Variants in DOCK9 observed in about 807,000 individuals in gnomAD.
DOCK9 encodes dedicator of cytokinesis protein 9.
DOCK9 carries 89 observed loss-of-function variants against 263.3 expected under a neutral mutation model. The ratio of observed to expected loss-of-function variants is 0.34; its 90% CI spans 0.28 to 0.40. The LOEUF is 0.40. Ranked by LOEUF, DOCK9 falls within the 10% of genes least tolerant of loss-of-function variation. The pLI is 1.00. For missense variants in DOCK9, 2,140 were observed against 2,603.4 expected, an observed-to-expected ratio of 0.82 and a Z score of 3.87; for synonymous variants, 976 against 973.1, an observed-to-expected ratio of 1.00 and a Z score of -0.06.
chr13:98,930,159 G>A lies in DOCK9; in HGVS notation c.333+9C>T. The stretch of plus-strand genomic sequence containing the variant: ...TCAAAATGTAAATTAATGCAGGAAA[G>A]AGCCTTACCTCTGTAACAAACAAGC... On this transcript the variant is annotated intron_variant, in intron 3 of 52. Transcript: ENST00000682017. The A allele has an allele frequency of 6.2e-7, 1 of 1,604,536 alleles. No homozygotes were observed. The highest frequency in any genetic ancestry group is 8.5e-7 in the Non-Finnish European group (1 of 1,175,218).
At chr13:98,891,042 T>C (rs1279212158) in intron 15 of DOCK9, among the ~76,000 whole-genome samples, 1 of 152,128 alleles carries the variant, frequency 6.6e-6, no homozygotes, top group African/African-American at 2.4e-5. Context: ...AGCACTCCCC[T>C]ACAGTTTGCC....
chr13:98,949,556 A>G (rs1335672328), intron 2 of DOCK9, among the ~76,000 whole-genome samples: 1 of 152,168 alleles, frequency 6.6e-6, no homozygotes, highest in Admixed American at 6.5e-5. Context: ...CTGTGATGAG[A>G]GGTGTCTGCC....
chr13:99,062,851 G>C (rs745476908), intron 1 of DOCK9, among the ~76,000 whole-genome samples: 22 of 152,308 alleles, frequency 1.4e-4, no homozygotes, highest in Non-Finnish European at 2.4e-4. Flanking sequence ...CGCCAGTTCA[G>C]TGGTTTAATA....
chr13:98,862,212 C>T (rs1182963100), intron 32 of DOCK9, among the ~76,000 whole-genome samples: 1 of 152,166 alleles, frequency 6.6e-6, no homozygotes, highest in African/African-American at 2.4e-5. Flanking sequence ...AGGAGTTGCA[C>T]TGGCAAAATA....
At chr13:98,972,453 G>A (rs1485286941) in intron 1 of DOCK9, among the ~76,000 whole-genome samples, 1 of 152,166 alleles carries the variant, frequency 6.6e-6, no homozygotes, top group East Asian at 1.9e-4. Flanking sequence ...GGAGGTAGCA[G>A]TGACTTGGCA....
At position 98,850,057 on chromosome 13, in the gene DOCK9, TA is replaced by T; in HGVS notation, c.4002del (p.Phe1334LeufsTer19). On this transcript the variant is annotated frameshift_variant, in exon 36 of 53. Transcript: ENST00000682017. LOFTEE classifies it high-confidence loss of function. The stretch of plus-strand genomic sequence containing the variant: ...GAGAAAGCTACTTACTCAGATATTG[TA>T]AAAAAATCCATAAGTTCAGATGTTG... Reference protein sequence around the residue: ...KASTSELMDFFTISEVCLHQF... With the variant: ...KASTSELMDFXTISEVCLHQF... 5 of 1,565,476 alleles carry T rather than the reference TA, an allele frequency of 3.2e-6. No individual in the cohort carries two copies. In the Admixed American group the frequency reaches 5.9e-5, roughly 19 times the overall value.
At chr13:98,975,965 T>C (rs564228007) in intron 1 of DOCK9, among the ~76,000 whole-genome samples, 1 of 152,246 alleles carries the variant, frequency 6.6e-6, no homozygotes, top group Non-Finnish European at 1.5e-5. Context: ...CAGCAGTCTG[T>C]TGAACTCTTG....
chr13:98,922,539 A>T (rs188872518), intron 5 of DOCK9, among the ~76,000 whole-genome samples: 155 of 152,330 alleles, frequency 1.0e-3, no homozygotes, highest in Non-Finnish European at 1.9e-3. Context: ...GCACATGCAC[A>T]TTCCTGGAAA....
intron 15 of DOCK9, among the ~76,000 whole-genome samples, chr13:98,892,974 AGACT>A (rs1486040055): frequency 3.3e-5 from 5 of 152,226 alleles, no homozygotes; most frequent in Non-Finnish European, 5.9e-5. Context: ...AGTGAGCCAC[AGACT>A]GGGCTTTGAA....
At chr13:99,038,154 C>A (rs1888082948) in intron 1 of DOCK9, among the ~76,000 whole-genome samples, 1 of 152,098 alleles carries the variant, frequency 6.6e-6, no homozygotes, top group Admixed American at 6.5e-5. Context: ...TATTTTCACA[C>A]AACAGCCTCT....
exon 1 of DOCK9, chr13:99,086,455 C>CCCG (rs2042346005): frequency 1.3e-6 from 1 of 757,616 alleles, no homozygotes; most frequent in Non-Finnish European, 1.6e-6. Context: ...GCCCGCCGCT[C>CCCG]CCGGCGCCGC....
chr13:99,021,270 T>C (rs556711156), intron 1 of DOCK9, among the ~76,000 whole-genome samples: 2 of 152,326 alleles, frequency 1.3e-5, no homozygotes, highest in Admixed American at 6.5e-5. Context: ...AAGCATCTCA[T>C]ACAAAATTCA....
chr13:98,918,492 T>C (rs1044973769), intron 7 of DOCK9, among the ~76,000 whole-genome samples: 7 of 151,906 alleles, frequency 4.6e-5, no homozygotes, highest in Non-Finnish European at 1.0e-4. Flanking sequence ...TACCAAAGCA[T>C]AAAATAAAAA....
Position 98,846,100 on chromosome 13 carries a change from C to T in DOCK9, c.4062-40G>A, listed in dbSNP as rs577941073. On this transcript the variant is annotated intron_variant, in intron 37 of 52. Coordinates refer to ENST00000682017, the MANE Select transcript of DOCK9 (RefSeq NM_001366683.2). ...AAATGGGATAGAAGCAAAAGTTAGACGTGTTACACTGCAGCGAGACGGGGA... is the reference window on the plus strand; with the variant it reads ...AAATGGGATAGAAGCAAAAGTTAGATGTGTTACACTGCAGCGAGACGGGGA... The T allele has an allele frequency of 5.9e-5, 92 of 1,548,982 alleles. No individual in the cohort carries two copies. The African/African-American group carries it at 7.8e-4, about 13-fold the overall frequency.
At chr13:99,066,242 T>C (rs945182865) in intron 1 of DOCK9, among the ~76,000 whole-genome samples, 9 of 152,240 alleles carry the variant, frequency 5.9e-5, no homozygotes. Context: ...CAGCAGAATG[T>C]CACCTTGTTT....
chr13:98,814,892 C>G (rs57685573), intron 45 of DOCK9, among the ~76,000 whole-genome samples: 9 of 151,346 alleles, frequency 5.9e-5, no homozygotes, highest in Admixed American at 6.6e-5. Flanking sequence ...GAACTGAAAT[C>G]GCACCACTGC....
intron 35 of DOCK9, among the ~76,000 whole-genome samples, chr13:98,850,463 T>C (rs747655757): frequency 1.3e-5 from 2 of 152,266 alleles, no homozygotes; most frequent in Non-Finnish European, 2.9e-5. Context: ...CGGGCTCTCT[T>C]GTCTCCTACT....
At chr13:98,866,154 C>A (rs2094015053) in intron 30 of DOCK9, among the ~76,000 whole-genome samples, 1 of 152,212 alleles carries the variant, frequency 6.6e-6, no homozygotes, top group Non-Finnish European at 1.5e-5. Flanking sequence ...TATCCCCTTT[C>A]CTTGCTTTGT....
At chr13:98,921,995 GCT>G in intron 6 of DOCK9, 54 bp downstream of exon 6, 1 of 1,379,852 alleles carries the variant, frequency 7.2e-7, no homozygotes, top group Non-Finnish European at 1.0e-6. Flanking sequence ...TTGTTCTCGA[GCT>G]CTATGGCAGA....
Sources: gnomAD v4.1 joint callset for allele counts (sites outside exome capture counted in the v4.1 genomes callset) on GRCh38, gnomAD v4.1.1 for gene constraint, MANE v1.5 for transcripts, NCBI Gene and HGNC (gene_info 2026-07-23, HGNC 2026-07-21) for gene names.